The following PDS5A variants were observed in gnomAD, a reference collection of about 807,000 sequenced individuals.
PDS5A encodes the protein sister chromatid cohesion protein PDS5 homolog A.
PDS5A carries 42 observed loss-of-function variants against 167.1 expected under a neutral mutation model. That is an observed-to-expected ratio of 0.25 (90% CI 0.20 to 0.33). The LOEUF (loss-of-function observed/expected upper bound fraction) is 0.33, where lower values mean the gene tolerates loss of function less well. PDS5A is among the 10% of genes least tolerant of loss of function. PDS5A has a pLI of 1.00. For synonymous variants in PDS5A, 553 were observed against 554.6 expected, an observed-to-expected ratio of 1.00 and a Z score of 0.04; for missense variants, 1,033 against 1,605.9, an observed-to-expected ratio of 0.64 and a Z score of 6.10.
At chr4:39,864,397 A>C (rs1382053509) in intron 23 of PDS5A, among the ~76,000 whole-genome samples, 1 of 152,080 alleles carries the variant, frequency 6.6e-6, no homozygotes, top group East Asian at 1.9e-4. Context: ...TGCAGAGTAA[A>C]GTTTTCAAAT....
At chr4:39,888,819 T>G (rs1241967110) in intron 17 of PDS5A, among the ~76,000 whole-genome samples, 1 of 152,152 alleles carries the variant, frequency 6.6e-6, no homozygotes, top group African/African-American at 2.4e-5. Flanking sequence ...GAAGAGAGGT[T>G]AATTAATAGA....
chr4:39,900,224 C>A (rs1384822240), intron 14 of PDS5A, among the ~76,000 whole-genome samples: 2 of 152,126 alleles, frequency 1.3e-5, no homozygotes, highest in Non-Finnish European at 2.9e-5. Context: ...AACACCATTT[C>A]TTTGCTCACA....
intron 14 of PDS5A, among the ~76,000 whole-genome samples, chr4:39,899,816 C>T (rs184961450): frequency 8.5e-4 from 119 of 139,234 alleles, no homozygotes; most frequent in Middle Eastern, 4.0e-3. Context: ...TGCCACTATG[C>T]GACAGCCTGG....
Position 39,841,978 on chromosome 4 carries a change from A to G in PDS5A, c.3627T>C (p.Pro1209=), listed in dbSNP as rs1273871657. ...ENPVRIISVT[P]VKNIDPVKNK... is the part of the protein sequence containing the mutation. ...TCTTTACTGGGTCAATATTCTTTACAGGTGTGACTGAAATAATCCTCACAG... is the reference window on the plus strand; with the variant it reads ...TCTTTACTGGGTCAATATTCTTTACGGGTGTGACTGAAATAATCCTCACAG... Residue 1209 remains proline, a synonymous_variant, in exon 31 of 33, where the codon CCT becomes CCC. Coordinates refer to ENST00000303538, the MANE Select transcript of PDS5A (RefSeq NM_001100399.2). 13 of 1,596,868 alleles carry G rather than the reference A, an allele frequency of 8.1e-6. No homozygotes were observed. Among genetic ancestry groups the G allele is most frequent in the Non-Finnish European group, 1.1e-5 (13 of 1,164,536 alleles).
At chr4:39,848,576 T>A (rs1422221034) in intron 28 of PDS5A, 3 of 352,044 alleles carry the variant, frequency 8.5e-6, no homozygotes, top group Non-Finnish European at 1.6e-5. Context: ...ATACTACCCA[T>A]GTTTCAATAA....
intron 32 of PDS5A, among the ~76,000 whole-genome samples, chr4:39,832,626 G>C (rs1385973169): frequency 1.3e-5 from 2 of 151,976 alleles, no homozygotes. Context: ...AGATTGCTTG[G>C]GGGCAGGAAG....
rs1715071074 is a variant in PDS5A, at chr4:39,824,129, T to C, written c.*1356A>G. Reference sequence around the variant, plus strand: ...CTCTGGACATGAGAAAAGACAAATTTCATGTTCCTCCAGAATCAGGTCTTA... The same window carrying C: ...CTCTGGACATGAGAAAAGACAAATTCCATGTTCCTCCAGAATCAGGTCTTA... On this transcript the variant is annotated 3_prime_UTR_variant, in exon 33 of 33. Coordinates refer to ENST00000303538, the MANE Select transcript of PDS5A (RefSeq NM_001100399.2). The C allele has an allele frequency of 6.6e-6, 1 of 152,200 alleles. No individual in the cohort carries two copies. The highest frequency in any genetic ancestry group is 1.5e-5 in the Non-Finnish European group (1 of 68,020). 9.4% of individuals were successfully genotyped at this position (152,200 alleles called of 1,614,324 possible). A position where few individuals can be genotyped will look rare whatever the true frequency, so the allele number is the denominator to read the frequency against.
intron 31 of PDS5A, among the ~76,000 whole-genome samples, chr4:39,840,529 G>A (rs1468839907): frequency 1.3e-5 from 2 of 152,142 alleles, no homozygotes; most frequent in African/African-American, 4.8e-5. Flanking sequence ...CCAAGCAGCT[G>A]GGATTACAGG....
In PDS5A at chr4:39,917,183, G is replaced by A; in HGVS notation, c.741C>T (p.Phe247=). 6.5e-7 allele frequency: 1 copy of A among 1,544,874 alleles called. No individual in the cohort carries two copies. The highest frequency in any genetic ancestry group is 8.7e-7 in the Non-Finnish European group (1 of 1,152,984). Residue 247 remains phenylalanine (F), a synonymous_variant, in exon 8 of 33, where the codon TTC becomes TTT. Transcript: ENST00000303538. ...QTIEACIANF[F]NQVLVLGRSS... Reference sequence around the variant, plus strand: ...ATCTTCCCAGCACCAGGACTTGATTGAAAAACTGTAAGAGATATTAAAAAC... The same window carrying A: ...ATCTTCCCAGCACCAGGACTTGATTAAAAAACTGTAAGAGATATTAAAAAC...
At chr4:39,839,763 G>GAT in intron 31 of PDS5A, among the ~76,000 whole-genome samples, 1 of 144,950 alleles carries the variant, frequency 6.9e-6, no homozygotes, top group East Asian at 2.0e-4. Context: ...CTGGGGGGGG[G>GAT]GGGCAGGGGA....
At chr4:39,842,088 T>C in intron 30 of PDS5A, 32 bp from the exon 31 acceptor site, 1 of 1,347,126 alleles carries the variant, frequency 7.4e-7, no homozygotes, top group Non-Finnish European at 1.1e-6. Flanking sequence ...AGACTTCATA[T>C]TTCCATGAAG....
intron 10 of PDS5A, 58 bp from the exon 11 acceptor site, chr4:39,908,598 T>G: frequency 9.4e-7 from 1 of 1,064,004 alleles, no homozygotes. Flanking sequence ...TGTCATGATT[T>G]AGAATGGCAA....
At chr4:39,911,940 A>G (rs983470401) in intron 9 of PDS5A, among the ~76,000 whole-genome samples, 2 of 152,186 alleles carry the variant, frequency 1.3e-5, no homozygotes, top group African/African-American at 4.8e-5. Flanking sequence ...TTAATGATAA[A>G]TAATGTGATC....
chr4:39,930,359 T>C (rs986354563), intron 2 of PDS5A, among the ~76,000 whole-genome samples: 15 of 148,344 alleles, frequency 1.0e-4, no homozygotes, highest in Admixed American at 9.5e-4. Context: ...TCCCAAAGTG[T>C]TGGGATTACA....
chr4:39,945,865 AAC>A (rs1467916174), intron 2 of PDS5A, among the ~76,000 whole-genome samples: 1 of 152,150 alleles, frequency 6.6e-6, no homozygotes, highest in Non-Finnish European at 1.5e-5. Flanking sequence ...AATAAAATAA[AAC>A]ACAGCAGTTT....
chr4:39,934,931 T>C (rs1276493248), intron 2 of PDS5A, among the ~76,000 whole-genome samples: 1 of 152,170 alleles, frequency 6.6e-6, no homozygotes, highest in Non-Finnish European at 1.5e-5. Context: ...CAATCCTTTA[T>C]CAGATACGTA....
intron 2 of PDS5A, among the ~76,000 whole-genome samples, chr4:39,970,275 C>A (rs983727747): frequency 1.3e-4 from 20 of 151,830 alleles, no homozygotes; most frequent in Non-Finnish European, 1.5e-5. Context: ...GGAAACCAAC[C>A]GAAGACCACT....
intron 16 of PDS5A, among the ~76,000 whole-genome samples, chr4:39,890,976 T>C (rs1323698531): frequency 2.0e-5 from 3 of 152,064 alleles, no homozygotes; most frequent in African/African-American, 7.2e-5. Context: ...CTTTTATGGG[T>C]ATGCTTTATT....
At chr4:39,878,354 G>A (rs917070135) in intron 18 of PDS5A, among the ~76,000 whole-genome samples, 1 of 152,146 alleles carries the variant, frequency 6.6e-6, no homozygotes, top group African/African-American at 2.4e-5. Context: ...CCAGCACTTT[G>A]GGAGGCCGAA....
Sources: allele counts gnomAD v4.1 joint callset (sites outside exome capture counted in the v4.1 genomes callset), GRCh38; gene constraint gnomAD v4.1.1; transcripts MANE v1.5; gene names NCBI Gene and HGNC (gene_info 2026-07-23, HGNC 2026-07-21).